Variants in BCO1 observed in about 807,000 individuals in gnomAD.
BCO1 encodes beta,beta-carotene 15,15'-dioxygenase.
BCO1 carries 54 observed loss-of-function variants against 56.3 expected under a neutral mutation model. The ratio of observed to expected loss-of-function variants is 0.96; its 90% CI spans 0.77 to 1.20. The LOEUF is 1.20. BCO1 is among the 50% of genes most tolerant of loss of function. BCO1 has a pLI of 0.00. For missense variants in BCO1, 801 were observed against 690.9 expected, an observed-to-expected ratio of 1.16 and a Z score of -1.79; for synonymous variants, 318 against 266.1, an observed-to-expected ratio of 1.20 and a Z score of -1.90.
At chr16:81,257,528 G>A (rs533940288) in intron 2 of BCO1, among the ~76,000 whole-genome samples, 24 of 151,480 alleles carry the variant, frequency 1.6e-4, no homozygotes, top group Non-Finnish European at 3.2e-4. Context: ...GCCTCCCAAA[G>A]TGCTGGGATT....
intron 9 of BCO1, among the ~76,000 whole-genome samples, chr16:81,286,737 C>T (rs1908202277): frequency 6.6e-6 from 1 of 151,884 alleles, no homozygotes; most frequent in Non-Finnish European, 1.5e-5. Flanking sequence ...AAAAGAATTC[C>T]TTCTACAGTA....
intron 9 of BCO1, among the ~76,000 whole-genome samples, chr16:81,286,282 A>G (rs1028188813): frequency 2.0e-5 from 3 of 152,086 alleles, no homozygotes; most frequent in African/African-American, 7.2e-5. Flanking sequence ...TAATGTCTTC[A>G]TTTTTCATAA....
At chr16:81,262,918 G>C in intron 4 of BCO1, 1 of 155,644 alleles carries the variant, frequency 6.4e-6, no homozygotes, top group Non-Finnish European at 1.4e-5. Flanking sequence ...TTAAAAGTCT[G>C]AAACCAAGGT....
intron 8 of BCO1, among the ~76,000 whole-genome samples, chr16:81,282,772 C>T (rs979961710): frequency 1.3e-5 from 2 of 152,140 alleles, no homozygotes; most frequent in African/African-American, 4.8e-5. Context: ...ATCCCTGCCC[C>T]CGTGACAGCG....
At chr16:81,251,024 G>C (rs1413332437) in intron 2 of BCO1, among the ~76,000 whole-genome samples, 1 of 152,232 alleles carries the variant, frequency 6.6e-6, no homozygotes, top group East Asian at 1.9e-4. Flanking sequence ...TGGGCCTCTA[G>C]CCTGGCTGCC....
At chr16:81,247,612 C>T (rs545820332) in intron 2 of BCO1, among the ~76,000 whole-genome samples, 1 of 152,144 alleles carries the variant, frequency 6.6e-6, no homozygotes, top group South Asian at 2.1e-4. Flanking sequence ...CCACAGCCTC[C>T]ACTTCCTGGG....
chr16:81,272,183 A>G (rs1247065558), intron 7 of BCO1, among the ~76,000 whole-genome samples: 1 of 138,206 alleles, frequency 7.2e-6, no homozygotes, highest in East Asian at 2.1e-4. Flanking sequence ...GCGCAGTCTC[A>G]GCTCACTGCA....
intron 8 of BCO1, among the ~76,000 whole-genome samples, chr16:81,285,241 T>G (rs1027796230): frequency 6.6e-6 from 1 of 152,272 alleles, no homozygotes; most frequent in Non-Finnish European, 1.5e-5. Context: ...TAGCCTCTGA[T>G]TTTAATCATG....
At position 81,290,694 on chromosome 16, in the gene BCO1, C is replaced by A; in HGVS notation, c.*117C>A. On this transcript the variant is annotated 3_prime_UTR_variant, in exon 11 of 11. Coordinates refer to ENST00000258168, the MANE Select transcript of BCO1 (RefSeq NM_017429.3). ...TTTGCACTTATTCTTTCTGTGGGTG[C>A]TTTGACAAGGGCATGGCAAGAGAGC... 1.3e-6 allele frequency: 1 copy of A among 777,328 alleles called. No individual in the cohort carries two copies. Among genetic ancestry groups the A allele is most frequent in the Admixed American group, 2.5e-5 (1 of 39,758 alleles). 48.2% of individuals were successfully genotyped at this position (777,328 alleles called of 1,614,324 possible). A position where few individuals can be genotyped will look rare whatever the true frequency, so the allele number is the denominator to read the frequency against.
At chr16:81,245,355 C>T (rs1220937853) in intron 1 of BCO1, 120 bp from the exon 2 acceptor site, 7 of 1,456,534 alleles carry the variant, frequency 4.8e-6, no homozygotes, top group Middle Eastern at 1.7e-4. Flanking sequence ...GTAGAATAAA[C>T]GAACAGATGC....
In BCO1 at chr16:81,280,916, GGAA is replaced by G. The variant is rs1567463763; in HGVS notation, c.1167_1169del (p.Glu389del). The G allele has an allele frequency of 6.2e-7, 1 of 1,614,150 alleles. No homozygotes were observed. Among genetic ancestry groups the G allele is most frequent in the Non-Finnish European group, 8.5e-7 (1 of 1,179,982 alleles). On this transcript the variant is annotated inframe_deletion, in exon 8 of 11. Transcript: ENST00000258168. The stretch of plus-strand genomic sequence containing the variant: ...CATCTACAACAGCCACGGCCCTGAA[GGAA>G]GAAGATGGCCAAGTCTACTGCCAGC...
intron 7 of BCO1, among the ~76,000 whole-genome samples, chr16:81,272,280 A>AT (rs895412645): frequency 5.6e-4 from 82 of 147,530 alleles, no homozygotes; most frequent in East Asian, 1.2e-3. Context: ...CGCCTGGCTA[A>AT]TTTTTTTTTT....
chr16:81,275,290 T>C (rs1207175976), intron 7 of BCO1, among the ~76,000 whole-genome samples: 1 of 152,202 alleles, frequency 6.6e-6, no homozygotes, highest in East Asian at 1.9e-4. Flanking sequence ...TGGCTGCACA[T>C]TGGGATCCCC....
At chr16:81,272,446 C>T (rs1039597901) in intron 7 of BCO1, among the ~76,000 whole-genome samples, 12 of 152,164 alleles carry the variant, frequency 7.9e-5, no homozygotes, top group African/African-American at 2.2e-4. Flanking sequence ...ATTTATGTAT[C>T]GAAACATCTC....
intron 1 of BCO1, among the ~76,000 whole-genome samples, chr16:81,242,968 T>C (rs949872418): frequency 2.6e-5 from 4 of 151,938 alleles, no homozygotes; most frequent in Admixed American, 6.6e-5. Flanking sequence ...CATGGAAAAA[T>C]TATCTTCCAC....
At chr16:81,259,352 G>A (rs1906337298) in intron 2 of BCO1, among the ~76,000 whole-genome samples, 1 of 152,032 alleles carries the variant, frequency 6.6e-6, no homozygotes, top group Non-Finnish European at 1.5e-5. Context: ...AAATTTGCTG[G>A]TCGTGGTGGC....
At chr16:81,287,185 C>T (rs1597377409) in intron 9 of BCO1, 110 bp from the exon 10 acceptor site, 2 of 852,656 alleles carry the variant, frequency 2.3e-6, no homozygotes, top group Non-Finnish European at 2.0e-6. Flanking sequence ...CAAAAGTCTA[C>T]ATCCGATGGG....
intron 8 of BCO1, among the ~76,000 whole-genome samples, chr16:81,284,003 G>C (rs1028696722): frequency 6.6e-6 from 1 of 151,306 alleles, no homozygotes; most frequent in Non-Finnish European, 1.5e-5. Flanking sequence ...GGCTAACATG[G>C]TGAAACCCTG....
intron 6 of BCO1, among the ~76,000 whole-genome samples, chr16:81,268,351 G>C (rs1906965863): frequency 6.6e-6 from 1 of 152,188 alleles, no homozygotes; most frequent in Non-Finnish European, 1.5e-5. Flanking sequence ...GGATGAGGCT[G>C]TCCAGGCAAG....
Sources: gnomAD v4.1 joint callset for allele counts (sites outside exome capture counted in the v4.1 genomes callset) on GRCh38, gnomAD v4.1.1 for gene constraint, MANE v1.5 for transcripts, NCBI Gene and HGNC (gene_info 2026-07-23, HGNC 2026-07-21) for gene names.